The following DNAH7 variants were observed in gnomAD, a reference collection of about 807,000 sequenced individuals.
DNAH7 encodes the protein dynein axonemal heavy chain 7, also known as axonemal beta dynein heavy chain 7.
Under a neutral mutation model 444.6 loss-of-function variants are expected in DNAH7, and 397 were observed. The ratio of observed to expected loss-of-function variants is 0.89; its 90% CI spans 0.82 to 0.97. The LOEUF (loss-of-function observed/expected upper bound fraction) is 0.97. Ranked by LOEUF, DNAH7 falls within the 50% of genes least tolerant of loss-of-function variation. The pLI, the probability that DNAH7 is intolerant of heterozygous loss-of-function variation, is 0.00. For synonymous variants in DNAH7, 1,636 were observed against 1,624.4 expected, an observed-to-expected ratio of 1.01 and a Z score of -0.17; for missense variants, 4,902 against 4,800.8, an observed-to-expected ratio of 1.02 and a Z score of -0.62.
intron 8 of DNAH7, among the ~76,000 whole-genome samples, chr2:196,022,126 C>T (rs764463892): frequency 7.9e-5 from 12 of 151,324 alleles, no homozygotes; most frequent in East Asian, 7.7e-4. Context: ...GACCCTGTCT[C>T]GGGAAAAAAA....
chr2:195,959,288 C>T (rs1690913563), intron 18 of DNAH7, among the ~76,000 whole-genome samples: 1 of 152,088 alleles, frequency 6.6e-6, no homozygotes, highest in Non-Finnish European at 1.5e-5. Context: ...AACCTCTTTG[C>T]ACAAGAAGAC....
In DNAH7 at chr2:195,923,676, A is replaced by G. The variant is rs1164662382; in HGVS notation, c.3744T>C (p.Asp1248=). ...ALVVLDVHAR[D]VLSSLVKKNI... is the part of the protein sequence containing the mutation. ...TTTTTTTTACAAGTGATGAGAGGAC[A>G]TCTCTAGCATGGACATCCAGTACCA... Residue 1248 remains aspartate, a synonymous_variant, in exon 23 of 65, where the codon GAT becomes GAC. Transcript: ENST00000312428. 6.2e-7 allele frequency: 1 copy of G among 1,614,050 alleles called. No homozygotes were observed. The highest frequency in any genetic ancestry group is 2.2e-5 in the East Asian group (1 of 44,878).
intron 19 of DNAH7, among the ~76,000 whole-genome samples, chr2:195,952,413 G>T (rs1476106668): frequency 6.6e-6 from 1 of 152,092 alleles, no homozygotes; most frequent in Non-Finnish European, 1.5e-5. Context: ...TCTTGGGGTT[G>T]CTCTTCTCGA....
intron 5 of DNAH7, among the ~76,000 whole-genome samples, chr2:196,036,227 T>C (rs1334971161): frequency 6.6e-6 from 1 of 151,910 alleles, no homozygotes. Context: ...AGGGACAGGG[T>C]TTCGCCATGT....
At position 195,797,755 on chromosome 2, in the gene DNAH7, A is replaced by C. The variant is rs141383040; in HGVS notation, c.10354-1018T>G. Among the ~76,000 whole-genome samples the C allele has an allele frequency of 8.9e-3, 1,356 of 152,264 alleles. 16 individuals carry two copies. The highest frequency in any genetic ancestry group is 0.014 in the Non-Finnish European group (980 of 68,014). ...GCTCCAACTAGGATGAACTTTATAA[A>C]TTATAGGTCAGATCATGTCAGTTTG... On this transcript the variant is annotated intron_variant, in intron 55 of 64. Transcript: ENST00000312428.
intron 2 of DNAH7, among the ~76,000 whole-genome samples, chr2:196,054,963 T>C (rs1246279220): frequency 6.6e-6 from 1 of 152,214 alleles, no homozygotes; most frequent in African/African-American, 2.4e-5. Context: ...TCTTCACAAA[T>C]TACCCAGTTT....
intron 61 of DNAH7, among the ~76,000 whole-genome samples, chr2:195,760,329 T>A (rs1051400621): frequency 6.6e-6 from 1 of 151,376 alleles, no homozygotes; most frequent in Non-Finnish European, 1.5e-5. Flanking sequence ...TCTGGACTCA[T>A]CCAGGGCCCA....
At chr2:196,018,385 T>A (rs1041092709) in intron 9 of DNAH7, among the ~76,000 whole-genome samples, 2 of 152,110 alleles carry the variant, frequency 1.3e-5, no homozygotes, top group South Asian at 2.1e-4. Context: ...AATAAAAACA[T>A]AAATATGCTA....
rs397870111 is a variant in DNAH7 at position 195,906,453 on chromosome 2, C to CT, written c.4335+205dup. 9.1e-3 allele frequency among the ~76,000 whole-genome samples: 1,044 copies of CT among 114,690 alleles called. 9 individuals carry two copies. The highest frequency in any genetic ancestry group is 0.031 in the South Asian group (104 of 3,312). The allele number at this position is 114,690 out of a possible 152,430, so 75.2% of individuals were successfully genotyped here. Reference sequence around the variant, plus strand: ...CACTTTTAAAATATTTTCTTTCTTTCTTTTTTTTTTTTTTTTTTTTTTAAG... The same window carrying CT: ...CACTTTTAAAATATTTTCTTTCTTTCTTTTTTTTTTTTTTTTTTTTTTTAAG... On this transcript the variant is annotated intron_variant, in intron 27 of 64. Transcript: ENST00000312428.
chr2:196,000,123 C>G (rs551798239), intron 12 of DNAH7, among the ~76,000 whole-genome samples: 8 of 152,136 alleles, frequency 5.3e-5, no homozygotes, highest in Admixed American at 5.2e-4. Flanking sequence ...CTTCTGTATA[C>G]AGCAAATATG....
chr2:196,020,043 C>T (rs1239682972), intron 8 of DNAH7, among the ~76,000 whole-genome samples: 1 of 151,860 alleles, frequency 6.6e-6, no homozygotes, highest in Non-Finnish European at 1.5e-5. Flanking sequence ...GGATGAAGAC[C>T]TTTACGATGA....
intron 17 of DNAH7, among the ~76,000 whole-genome samples, chr2:195,965,893 T>C (rs1283224269): frequency 6.6e-6 from 1 of 152,140 alleles, no homozygotes; most frequent in Non-Finnish European, 1.5e-5. Context: ...TTATCAATTT[T>C]ATTTTTTCAA....
chr2:195,831,030 G>A (rs1455294747), intron 48 of DNAH7, among the ~76,000 whole-genome samples: 1 of 152,150 alleles, frequency 6.6e-6, no homozygotes, highest in African/African-American at 2.4e-5. Flanking sequence ...ATACAAGGGG[G>A]AAAGAAAAGT....
chr2:195,946,671 CTCTT>C (rs147326770), intron 19 of DNAH7, among the ~76,000 whole-genome samples: 139 of 151,822 alleles, frequency 9.2e-4, no homozygotes, highest in Non-Finnish European at 5.7e-4. Context: ...CCCTCACTCT[CTCTT>C]TCTTTCTCTC....
intron 42 of DNAH7, among the ~76,000 whole-genome samples, chr2:195,861,236 G>A (rs1699996768): frequency 6.6e-6 from 1 of 151,844 alleles, no homozygotes; most frequent in African/African-American, 2.4e-5. Flanking sequence ...AAACTTCTGT[G>A]CACACACAAG....
At chr2:196,055,816 C>T (rs1452607048) in intron 2 of DNAH7, among the ~76,000 whole-genome samples, 1 of 152,164 alleles carries the variant, frequency 6.6e-6, no homozygotes, top group Non-Finnish European at 1.5e-5. Flanking sequence ...GTAACCCAAG[C>T]CTCCTATACA....
chr2:195,870,709 A>T (rs1231643108), intron 40 of DNAH7, among the ~76,000 whole-genome samples: 1 of 152,184 alleles, frequency 6.6e-6, no homozygotes, highest in Non-Finnish European at 1.5e-5. Flanking sequence ...TGCCCCTTCC[A>T]CCATTTGAGG....
At position 196,068,747 on chromosome 2, in the gene DNAH7, G is replaced by A. The variant is rs1466622843; in HGVS notation, c.-36C>T. 6 of 1,549,848 alleles carry A rather than the reference G, an allele frequency of 3.9e-6. No individual in the cohort carries two copies. Among genetic ancestry groups the A allele is most frequent in the Non-Finnish European group, 5.2e-6 (6 of 1,146,806 alleles). ...ACGCGCTGGCCTCACCGGTGCTTCTGGGTTGCTCCTGCCCGCGGAACCCCT... is the reference window on the plus strand; with the variant it reads ...ACGCGCTGGCCTCACCGGTGCTTCTAGGTTGCTCCTGCCCGCGGAACCCCT... On this transcript the variant is annotated 5_prime_UTR_variant, in exon 1 of 65. Coordinates refer to ENST00000312428, the MANE Select transcript of DNAH7 (RefSeq NM_018897.3).
intron 5 of DNAH7, among the ~76,000 whole-genome samples, chr2:196,029,735 T>A: frequency 6.6e-6 from 1 of 151,828 alleles, no homozygotes; most frequent in South Asian, 2.1e-4. Flanking sequence ...TGCCCTTCCA[T>A]ATGTGCTTCC....
Sources: gnomAD v4.1 joint callset for allele counts (sites outside exome capture counted in the v4.1 genomes callset) on GRCh38, gnomAD v4.1.1 for gene constraint, MANE v1.5 for transcripts, NCBI Gene and HGNC (gene_info 2026-07-23, HGNC 2026-07-21) for gene names.